The following TAFA2 variants were observed in gnomAD, a reference collection of about 807,000 sequenced individuals.
TAFA2 encodes chemokine-like protein TAFA-2.
TAFA2 carries 7 observed loss-of-function variants against 18.8 expected under a neutral mutation model. That is an observed-to-expected ratio of 0.37 (90% confidence interval 0.21 to 0.70). The LOEUF is 0.70. TAFA2 is among the 30% of genes least tolerant of loss of function. TAFA2 has a pLI of 0.53. For missense variants in TAFA2, 122 were observed against 158.1 expected (o/e 0.77, Z 1.23); for synonymous variants, 60 against 54.2 (o/e 1.11, Z -0.47).
chr12:61,722,284 T>C (rs1869942540), intron 4 of TAFA2, among the ~76,000 whole-genome samples: 1 of 152,154 alleles, frequency 6.6e-6, no homozygotes, highest in Non-Finnish European at 1.5e-5. Flanking sequence ...TTGAAAATAT[T>C]TGTGTTATTG....
intron 2 of TAFA2, among the ~76,000 whole-genome samples, chr12:61,758,204 TGTTATA>T (rs767057457): frequency 2.0e-5 from 3 of 152,024 alleles, no homozygotes; most frequent in Non-Finnish European, 2.9e-5. Context: ...AAGGTAAGGT[TGTTATA>T]GTTATAAAAA....
intron 1 of TAFA2, among the ~76,000 whole-genome samples, chr12:62,147,326 G>GTGTA (rs2062291084): frequency 1.0e-4 from 2 of 19,562 alleles, no homozygotes; most frequent in African/African-American, 2.5e-4. Context: ...GTGTATGTAT[G>GTGTA]TATATATATA....
chr12:61,894,390 A>G (rs1875754977), intron 1 of TAFA2, among the ~76,000 whole-genome samples: 2 of 152,324 alleles, frequency 1.3e-5, no homozygotes, highest in East Asian at 1.9e-4. Context: ...TGACCTTTGC[A>G]TGTGTTGCAT....
At chr12:62,064,371 A>G (rs184423921) in intron 1 of TAFA2, among the ~76,000 whole-genome samples, 131 of 152,228 alleles carry the variant, frequency 8.6e-4, no homozygotes, top group African/African-American at 2.9e-3. Context: ...CCATTCCACA[A>G]ACCCACTTGG....
chr12:62,037,498 G>C (rs1050723892), intron 1 of TAFA2, among the ~76,000 whole-genome samples: 1 of 152,142 alleles, frequency 6.6e-6, no homozygotes, highest in African/African-American at 2.4e-5. Flanking sequence ...CATGCCACAA[G>C]TAAATAGAAT....
chr12:61,975,799 TG>T (rs1879412373), intron 1 of TAFA2, among the ~76,000 whole-genome samples: 1 of 151,722 alleles, frequency 6.6e-6, no homozygotes, highest in South Asian at 2.1e-4. Context: ...GGAAACCTAA[TG>T]TACGGCAAGG....
chr12:62,229,380 G>A, intron 1 of TAFA2, among the ~76,000 whole-genome samples: 1 of 151,632 alleles, frequency 6.6e-6, no homozygotes, highest in East Asian at 1.9e-4. Context: ...ATGGTTTTGA[G>A]GTATGTCTTT....
intron 1 of TAFA2, among the ~76,000 whole-genome samples, chr12:62,105,199 G>T (rs536627267): frequency 2.6e-5 from 4 of 152,064 alleles, no homozygotes; most frequent in African/African-American, 9.6e-5. Flanking sequence ...GTCCCCAGAA[G>T]AGAAAATCAA....
intron 1 of TAFA2, among the ~76,000 whole-genome samples, chr12:62,014,918 C>A (rs752751512): frequency 6.6e-6 from 1 of 152,146 alleles, no homozygotes; most frequent in Non-Finnish European, 1.5e-5. Context: ...AAAAAGCCAT[C>A]CATTTCATCG....
intron 1 of TAFA2, among the ~76,000 whole-genome samples, chr12:61,966,476 C>T (rs1259196968): frequency 1.3e-5 from 2 of 151,850 alleles, no homozygotes; most frequent in African/African-American, 4.8e-5. Flanking sequence ...CCTCTTAATA[C>T]TACCACATTG....
At chr12:61,876,315 G>A (rs574609705) in intron 1 of TAFA2, among the ~76,000 whole-genome samples, 30 of 152,266 alleles carry the variant, frequency 2.0e-4, no homozygotes, top group Admixed American at 6.5e-4. Flanking sequence ...GCTGGCAAAG[G>A]AGTGAAAAAG....
At position 61,876,652 on chromosome 12, in the gene TAFA2, C is replaced by A. The variant is rs534393994; in HGVS notation, c.-1-9226G>T. Reference sequence around the variant, plus strand: ...CATATAACCATCCCTTCTAAAGCACCAACATCAACATATTTCAACCATACC... The same window carrying A: ...CATATAACCATCCCTTCTAAAGCACAAACATCAACATATTTCAACCATACC... On this transcript the variant is annotated intron_variant, in intron 1 of 4. Coordinates refer to ENST00000416284, the MANE Select transcript of TAFA2 (RefSeq NM_178539.5). Among the ~76,000 whole-genome samples, 7 of 151,918 alleles carry A rather than the reference C, an allele frequency of 4.6e-5. No homozygotes were observed. In the South Asian group the frequency reaches 1.0e-3, roughly 23 times the overall value.
intron 1 of TAFA2, among the ~76,000 whole-genome samples, chr12:62,171,635 T>C (rs971975958): frequency 6.6e-6 from 1 of 152,174 alleles, no homozygotes; most frequent in African/African-American, 2.4e-5. Flanking sequence ...AAGGGGTGCC[T>C]TCTACAAGGA....
intron 1 of TAFA2, among the ~76,000 whole-genome samples, chr12:62,147,326 GTATATATATATATATATA>G (rs1219861920): frequency 0.049 from 958 of 19,552 alleles, 31 homozygotes; most frequent in African/African-American, 0.11. Flanking sequence ...GTGTATGTAT[GTATATATATATATATATA>G]TATATATATA....
intron 1 of TAFA2, among the ~76,000 whole-genome samples, chr12:62,011,772 A>C (rs1298767838): frequency 1.3e-5 from 2 of 151,676 alleles, no homozygotes; most frequent in Non-Finnish European, 2.9e-5. Context: ...AAAAAAAAGA[A>C]AAGAAACTGT....
chr12:61,805,076 CA>C (rs140832605), intron 2 of TAFA2, among the ~76,000 whole-genome samples: 2,673 of 151,922 alleles, frequency 0.018, 28 homozygotes, highest in Non-Finnish European at 0.028. Flanking sequence ...ATTCCTAGCC[CA>C]AAGTTAACAA....
At chr12:62,113,622 A>T (rs535346548) in intron 1 of TAFA2, among the ~76,000 whole-genome samples, 1 of 152,274 alleles carries the variant, frequency 6.6e-6, no homozygotes, top group African/African-American at 2.4e-5. Context: ...GCTCTGTCCC[A>T]GGGAGATGAA....
chr12:61,950,870 C>T (rs985900331), intron 1 of TAFA2, among the ~76,000 whole-genome samples: 4 of 152,060 alleles, frequency 2.6e-5, no homozygotes, highest in Non-Finnish European at 5.9e-5. Flanking sequence ...AAATGGCATG[C>T]AGCTATTAAA....
chr12:61,906,161 G>A (rs773725385), intron 1 of TAFA2, among the ~76,000 whole-genome samples: 3 of 152,028 alleles, frequency 2.0e-5, no homozygotes, highest in Non-Finnish European at 4.4e-5. Context: ...TATCACACTC[G>A]GTAAGTTATG....
Sources: gnomAD v4.1 joint callset for allele counts (sites outside exome capture counted in the v4.1 genomes callset) on GRCh38, gnomAD v4.1.1 for gene constraint, MANE v1.5 for transcripts, NCBI Gene and HGNC (gene_info 2026-07-23, HGNC 2026-07-21) for gene names.